Variants in SEZ6L2 observed in about 807,000 individuals in gnomAD.
The protein encoded by SEZ6L2 is seizure 6-like protein 2.
Under a neutral mutation model 97.0 loss-of-function variants are expected in SEZ6L2, and 44 were observed. The observed-to-expected ratio is 0.45, with a 90% CI of 0.36 to 0.58. SEZ6L2 has a LOEUF of 0.58. Ranked by LOEUF, SEZ6L2 falls within the 20% of genes least tolerant of loss-of-function variation. The pLI is 0.00. For synonymous variants in SEZ6L2, 543 were observed against 546.1 expected (o/e 0.99, Z 0.08); for missense variants, 1,086 against 1,233.3 (o/e 0.88, Z 1.79).
At chr16:29,877,663 C>T (rs1394021975) in intron 10 of SEZ6L2, among the ~76,000 whole-genome samples, 196 bp from the exon 11 acceptor site, 2 of 152,230 alleles carry the variant, frequency 1.3e-5, no homozygotes, top group Non-Finnish European at 1.5e-5. Flanking sequence ...CAGGGTTCCC[C>T]TATTCTATGG....
At chr16:29,886,823 A>C (rs2068151669) in intron 7 of SEZ6L2, among the ~76,000 whole-genome samples, 1 of 152,190 alleles carries the variant, frequency 6.6e-6, no homozygotes, top group Non-Finnish European at 1.5e-5. Flanking sequence ...TCTACAGATG[A>C]GGAAACTGAG....
chr16:29,872,688 C>T lies in SEZ6L2; in HGVS notation c.2527+17G>A, dbSNP rs1025555330. 1 of 1,613,022 alleles carries T rather than the reference C, an allele frequency of 6.2e-7. No individual in the cohort carries two copies. Among genetic ancestry groups the T allele is most frequent in the African/African-American group, 1.3e-5 (1 of 74,938 alleles). ...CCAACCTGGCCAGCCTGGGTCTCCACCTGTGCTCTCACTGACCTTCCAGTT... is the reference window on the plus strand; with the variant it reads ...CCAACCTGGCCAGCCTGGGTCTCCATCTGTGCTCTCACTGACCTTCCAGTT... On this transcript the variant is annotated intron_variant, in intron 15 of 17. Transcript: ENST00000617533.
chr16:29,883,567 C>A, intron 8 of SEZ6L2, among the ~76,000 whole-genome samples: 1 of 152,158 alleles, frequency 6.6e-6, no homozygotes, highest in East Asian at 1.9e-4. Flanking sequence ...AATCATCCCA[C>A]CTTGGCCTCC....
chr16:29,898,113 C>T (rs560149592), intron 1 of SEZ6L2, 129 bp from the exon 2 acceptor site: 10 of 1,346,482 alleles, frequency 7.4e-6, no homozygotes, highest in South Asian at 6.5e-5. Flanking sequence ...GTCCCAGGCT[C>T]GACTGAGGGC....
intron 5 of SEZ6L2, among the ~76,000 whole-genome samples, chr16:29,890,743 C>CTTT (rs71143763): frequency 2.8e-3 from 210 of 74,368 alleles, no homozygotes; most frequent in African/African-American, 3.4e-3. Context: ...TAACCATTGT[C>CTTT]TTTTTTTTTT....
At position 29,878,376 on chromosome 16, in the gene SEZ6L2, G is replaced by A. The variant is rs760124025; in HGVS notation, c.1623C>T (p.Pro541=). The change falls in exon 10 of 18, where the codon CCC becomes CCT. Residue 541 remains proline (P), a synonymous_variant. Coordinates refer to ENST00000617533, the MANE Select transcript of SEZ6L2 (RefSeq NM_001243332.2). ...LSEPAGVVLS[P]DWPQSYSPGQ... The stretch of plus-strand genomic sequence containing the variant: ...CCGGGCTATAGCTCTGGGGCCAGTC[G>A]GGAGAGAGGACCACGCCAGCTGGTT... The A allele has an allele frequency of 1.2e-6, 2 of 1,608,784 alleles. No homozygotes were observed. The highest frequency in any genetic ancestry group is 1.7e-6 in the Non-Finnish European group (2 of 1,176,986).
At chr16:29,897,505 G>A (rs1567429882) in intron 2 of SEZ6L2, among the ~76,000 whole-genome samples, 1 of 151,964 alleles carries the variant, frequency 6.6e-6, no homozygotes, top group Non-Finnish European at 1.5e-5. Flanking sequence ...ATTGCACTCT[G>A]ATTTCATGAT....
At chr16:29,880,481 G>A (rs1017501906) in intron 8 of SEZ6L2, among the ~76,000 whole-genome samples, 1 of 152,086 alleles carries the variant, frequency 6.6e-6, no homozygotes, top group Admixed American at 6.6e-5. Context: ...TACTACGCCT[G>A]GCTAATTTTT....
At chr16:29,877,050 C>G (rs2067920502) in intron 11 of SEZ6L2, 100 bp from the exon 12 acceptor site, 1 of 1,168,354 alleles carries the variant, frequency 8.6e-7, no homozygotes. Context: ...GGATCTGTCT[C>G]TCTCTCTCTC....
intron 9 of SEZ6L2, 38 bp from the exon 10 acceptor site, chr16:29,878,463 G>C: frequency 6.5e-7 from 1 of 1,548,258 alleles, no homozygotes; most frequent in Non-Finnish European, 8.8e-7. Context: ...GACCCAGGTG[G>C]GCATGCTGTC....
At chr16:29,889,300 G>A (rs377256492) in intron 5 of SEZ6L2, among the ~76,000 whole-genome samples, 18 of 152,024 alleles carry the variant, frequency 1.2e-4, no homozygotes, top group Non-Finnish European at 2.6e-4. Flanking sequence ...TTAGCCAGGC[G>A]TGGTGGTGGG....
chr16:29,880,125 G>C, intron 8 of SEZ6L2, 61 bp from the exon 9 acceptor site: 1 of 1,522,454 alleles, frequency 6.6e-7, no homozygotes, highest in Non-Finnish European at 9.0e-7. Flanking sequence ...ATCTTAAATT[G>C]GGGATGTGGG....
chr16:29,882,140 T>A lies in SEZ6L2; in HGVS notation c.1373-2076A>T, dbSNP rs2068044023. Among the ~76,000 whole-genome samples, 4 of 151,810 alleles carry A rather than the reference T, an allele frequency of 2.6e-5. No individual in the cohort carries two copies. In the South Asian group the frequency reaches 8.3e-4, roughly 32 times the overall value. ...CACGTACTACCACACCTGGCTAATT[T>A]CTGTGTTTTTAGTAGAAATGGGGCT... On this transcript the variant is annotated intron_variant, in intron 8 of 17. Transcript: ENST00000617533.
chr16:29,887,143 T>C (rs1348453987), intron 7 of SEZ6L2, among the ~76,000 whole-genome samples: 2 of 144,240 alleles, frequency 1.4e-5, no homozygotes, highest in Non-Finnish European at 3.0e-5. Context: ...ACTGCGGCAC[T>C]GCACTCCAGC....
chr16:29,898,008 T>C lies in SEZ6L2; in HGVS notation c.80-24A>G, dbSNP rs188531354. 6.0e-3 allele frequency: 9,599 copies of C among 1,611,600 alleles called. 937 individuals are homozygous for C. The Admixed American group carries it at 0.15, about 26-fold the overall frequency. On this transcript the variant is annotated intron_variant, in intron 1 of 17. Transcript: ENST00000617533. ...ACCTAGGAGGTGAAGTTGTGTGAGC[T>C]TCTCCACTTCCCCACACCCCTTCCT... is the stretch of plus-strand genomic sequence containing the variant.
chr16:29,887,911 A>C, intron 6 of SEZ6L2, 94 bp from the exon 7 acceptor site: 18 of 1,401,600 alleles, frequency 1.3e-5, no homozygotes, highest in Non-Finnish European at 1.6e-5. Flanking sequence ...TTGCATTCAC[A>C]CATTTGGCTG....
At chr16:29,888,421 G>T in intron 6 of SEZ6L2, 119 bp downstream of exon 6, 2 of 1,076,736 alleles carry the variant, frequency 1.9e-6, no homozygotes. Flanking sequence ...ACTCCTCAGG[G>T]TAAACACCCC....
chr16:29,876,777 C>G lies in SEZ6L2; in HGVS notation c.2083G>C (p.Ala695Pro). 1 of 1,556,940 alleles carries G rather than the reference C, an allele frequency of 6.4e-7. No individual in the cohort carries two copies. The highest frequency in any genetic ancestry group is 8.7e-7 in the Non-Finnish European group (1 of 1,150,096). The stretch of plus-strand genomic sequence containing the variant: ...TCACTCTTTTGGCAGGCGGGCGGCG[C>G]GGCGCTCCAAGACAGGTCCCACTGG... ...TCQWDLSWSAAPPACQKIMTC... is the reference protein window; with the variant it reads ...TCQWDLSWSAPPPACQKIMTC... Residue 695 changes from alanine to proline, a missense_variant, in exon 12 of 18, where the codon GCG (alanine) becomes CCG (proline). Around this residue, in one of 2 missense-constraint regions of SEZ6L2, gnomAD observed 310 missense variants for 438.6 expected, o/e 0.71. Coordinates refer to ENST00000617533, the MANE Select transcript of SEZ6L2 (RefSeq NM_001243332.2). This position sits in a 1 kb window ranked among gnomAD's most constrained non-coding sequence, Gnocchi z 6.5.
chr16:29,886,629 C>T (rs375275141), intron 7 of SEZ6L2, among the ~76,000 whole-genome samples: 15 of 148,592 alleles, frequency 1.0e-4, no homozygotes, highest in Admixed American at 5.4e-4. Flanking sequence ...TGTAGTGAGC[C>T]GAGATCGCAC....
Sources: allele counts gnomAD v4.1 joint callset (sites outside exome capture counted in the v4.1 genomes callset), GRCh38; gene constraint gnomAD v4.1.1; regional missense constraint gnomAD v4.1.1; non-coding constraint Gnocchi (gnomAD v3.1); transcripts MANE v1.5; gene names NCBI Gene and HGNC (gene_info 2026-07-23, HGNC 2026-07-21).